The following SRP72 variants were observed in gnomAD, a reference collection of about 807,000 sequenced individuals.
The protein encoded by SRP72 is signal recognition particle 72.
Under a neutral mutation model 96.3 loss-of-function variants are expected in SRP72, and 49 were observed. The ratio of observed to expected loss-of-function variants is 0.51; its 90% CI spans 0.40 to 0.65. SRP72 has a LOEUF of 0.65. Among genes scored for constraint, SRP72 ranks in the 30% least tolerant of loss-of-function variants. The probability of loss-of-function intolerance (pLI) is 0.00; values close to 1 mark genes in which losing one functional copy is unlikely to be tolerated. For synonymous variants in SRP72, 267 were observed against 275.2 expected (o/e 0.97, Z 0.30); for missense variants, 736 against 793.3 (o/e 0.93, Z 0.87).
intron 6 of SRP72, among the ~76,000 whole-genome samples, chr4:56,478,154 C>CTTTTTT (rs796835545): frequency 7.9e-4 from 91 of 115,730 alleles, no homozygotes; most frequent in East Asian, 2.5e-3. Flanking sequence ...TTTGCCTTTT[C>CTTTTTT]TTTTTTTTTT....
Position 56,467,722 on chromosome 4 carries a change from C to A in SRP72, c.87C>A (p.Arg29=). The change falls in exon 1 of 19, where the codon CGC becomes CGA. Residue 29 remains arginine (R), a synonymous_variant. Transcript: ENST00000642900. ...NRYGQNGDFT[R]ALKTVNKILQ... is the part of the protein sequence containing the mutation. Reference sequence around the variant, plus strand: ...ATGGCCAGAACGGCGACTTCACGCGCGCTCTCAAGACCGTCAATAAGAGTA... The same window carrying A: ...ATGGCCAGAACGGCGACTTCACGCGAGCTCTCAAGACCGTCAATAAGAGTA... 1 of 1,551,986 alleles carries A rather than the reference C, an allele frequency of 6.4e-7. No individual in the cohort carries two copies. The highest frequency in any genetic ancestry group is 2.6e-5 in the East Asian group (1 of 38,300).
At chr4:56,487,137 T>TATA (rs1289672748) in intron 11 of SRP72, among the ~76,000 whole-genome samples, 2 of 152,192 alleles carry the variant, frequency 1.3e-5, no homozygotes, top group Non-Finnish European at 2.9e-5. Flanking sequence ...ACAGCTCTGG[T>TATA]ATAGAATGTG....
intron 17 of SRP72, among the ~76,000 whole-genome samples, chr4:56,499,438 A>T (rs1236898234): frequency 6.6e-6 from 1 of 152,228 alleles, no homozygotes; most frequent in Non-Finnish European, 1.5e-5. Context: ...CAGAGTAAAC[A>T]GCCAACTTAC....
chr4:56,482,845 G>T (rs974855572), intron 8 of SRP72, among the ~76,000 whole-genome samples: 4 of 152,134 alleles, frequency 2.6e-5, no homozygotes, highest in African/African-American at 9.7e-5. Flanking sequence ...CAGTTCACTT[G>T]TTAAGCCTTT....
At chr4:56,496,844 C>G (rs919895690) in intron 17 of SRP72, among the ~76,000 whole-genome samples, 8 of 151,996 alleles carry the variant, frequency 5.3e-5, no homozygotes, top group African/African-American at 1.9e-4. Context: ...AAAAATTAGC[C>G]GAGCAGTACT....
At chr4:56,478,299 CTT>C (rs1456506553) in intron 6 of SRP72, 78 bp from the exon 7 acceptor site, 8 of 1,422,120 alleles carry the variant, frequency 5.6e-6, no homozygotes, top group East Asian at 2.3e-5. Context: ...GATTGTATCT[CTT>C]TTGAATGTTT....
At position 56,474,882 on chromosome 4, in the gene SRP72, G is replaced by A. The variant is rs367767733; in HGVS notation, c.610+491G>A. On this transcript the variant is annotated intron_variant, in intron 5 of 18. Coordinates refer to ENST00000642900, the MANE Select transcript of SRP72 (RefSeq NM_006947.4). ...TGTATTTTCAGTAGAGATGGTTTTC[G>A]CCATGTTGGCCAGGCTAGTCTCAAA... 4.7e-4 allele frequency among the ~76,000 whole-genome samples: 71 copies of A among 152,212 alleles called. 1 individual carries two copies. In the South Asian group the frequency reaches 0.011, roughly 24 times the overall value.
At chr4:56,475,033 G>T (rs934984827) in intron 5 of SRP72, among the ~76,000 whole-genome samples, 2 of 152,108 alleles carry the variant, frequency 1.3e-5, no homozygotes, top group African/African-American at 2.4e-5. Context: ...ACTGTGTCAG[G>T]TATTAACGTG....
Position 56,474,272 on chromosome 4 carries a change from C to T in SRP72, c.499-8C>T. ...TTAGTATTTAACTGGTATTTTGTCC[C>T]CTGACAGGAGAACCTGGGCCTCCAA... On this transcript the variant is annotated splice_polypyrimidine_tract_variant and splice_region_variant and intron_variant, in intron 4 of 18. Coordinates refer to ENST00000642900, the MANE Select transcript of SRP72 (RefSeq NM_006947.4). 6.2e-7 allele frequency: 1 copy of T among 1,613,712 alleles called. No homozygotes were observed. Among genetic ancestry groups the T allele is most frequent in the Non-Finnish European group, 8.5e-7 (1 of 1,179,840 alleles).
rs907758029 is a variant in SRP72, at chr4:56,503,108, C to G, written c.*1247C>G. 1.3e-5 allele frequency: 2 copies of G among 152,190 alleles called. No homozygotes were observed. The highest frequency in any genetic ancestry group is 6.5e-5 in the Admixed American group (1 of 15,270). 9.4% of individuals were successfully genotyped at this position (152,190 alleles called of 1,614,324 possible). On this transcript the variant is annotated 3_prime_UTR_variant, in exon 19 of 19. Coordinates refer to ENST00000642900, the MANE Select transcript of SRP72 (RefSeq NM_006947.4). ...TTTGACTCTGAACATACTACCAAAACTTCTTCAAAGAGTTTTTTATGAAAG... is the reference window on the plus strand; with the variant it reads ...TTTGACTCTGAACATACTACCAAAAGTTCTTCAAAGAGTTTTTTATGAAAG...
chr4:56,482,612 C>T (rs913076796), intron 8 of SRP72, among the ~76,000 whole-genome samples: 15 of 152,086 alleles, frequency 9.9e-5, no homozygotes, highest in African/African-American at 3.6e-4. Flanking sequence ...GAACCAAACA[C>T]GAAATATCTC....
intron 17 of SRP72, 59 bp downstream of exon 17, chr4:56,495,453 C>G: frequency 8.4e-7 from 1 of 1,191,648 alleles, no homozygotes; most frequent in South Asian, 1.5e-5. Context: ...GATTTTAGCC[C>G]TATATAGAAA....
At chr4:56,474,656 G>T (rs757556117) in intron 5 of SRP72, 90 of 523,020 alleles carry the variant, frequency 1.7e-4, no homozygotes, top group Admixed American at 7.3e-5. Flanking sequence ...CAATTCTCCT[G>T]CCTCAGCCTC....
At chr4:56,492,091 G>A (rs555818773) in intron 16 of SRP72, among the ~76,000 whole-genome samples, 21 of 152,262 alleles carry the variant, frequency 1.4e-4, no homozygotes, top group Middle Eastern at 3.4e-3. Context: ...TGCCCACCTC[G>A]GCCTCCCAAA....
intron 17 of SRP72, among the ~76,000 whole-genome samples, chr4:56,499,215 T>C (rs1031716513): frequency 1.3e-5 from 2 of 152,144 alleles, no homozygotes; most frequent in Non-Finnish European, 2.9e-5. Flanking sequence ...TTACACCTTA[T>C]ACAAAAATTA....
intron 8 of SRP72, among the ~76,000 whole-genome samples, chr4:56,480,335 C>G (rs142937703): frequency 6.6e-6 from 1 of 152,182 alleles, no homozygotes; most frequent in Non-Finnish European, 1.5e-5. Context: ...TCTCGGCTTA[C>G]TGCAGCCTCC....
At chr4:56,474,256 A>T (rs775883996) in intron 4 of SRP72, 24 bp from the exon 5 acceptor site, 6 of 1,613,620 alleles carry the variant, frequency 3.7e-6, no homozygotes, top group Non-Finnish European at 4.2e-6. Flanking sequence ...TTTAGTATTT[A>T]ACTGGTATTT....
intron 13 of SRP72, among the ~76,000 whole-genome samples, 169 bp downstream of exon 13, chr4:56,489,652 T>C (rs1217228228): frequency 6.6e-6 from 1 of 152,220 alleles, no homozygotes; most frequent in Non-Finnish European, 1.5e-5. Context: ...AATTAAGTTA[T>C]TAGAAATAAG....
At chr4:56,475,187 G>GT (rs34422062) in intron 5 of SRP72, among the ~76,000 whole-genome samples, 27,043 of 152,114 alleles carry the variant, frequency 0.18, 2,648 homozygotes, top group African/African-American at 0.26. Context: ...TGAGATCACA[G>GT]TTTACTGTCA....
Sources: gnomAD v4.1 joint callset for allele counts (sites outside exome capture counted in the v4.1 genomes callset) on GRCh38, gnomAD v4.1.1 for gene constraint, MANE v1.5 for transcripts, NCBI Gene and HGNC (gene_info 2026-07-23, HGNC 2026-07-21) for gene names.